SHANK2: variants seen among roughly 807,000 people sequenced by gnomAD.
SHANK2 encodes SH3 and multiple ankyrin repeat domains 2, also known as SH3 and multiple ankyrin repeat domains protein 2.
A neutral mutation model predicts 133.7 loss-of-function variants in SHANK2; 43 were observed. The ratio of observed to expected loss-of-function variants is 0.32; its 90% CI spans 0.25 to 0.41. SHANK2 has a LOEUF of 0.41. Among genes scored for constraint, SHANK2 ranks in the 10% least tolerant of loss-of-function variants. The pLI, the probability that SHANK2 is intolerant of heterozygous loss-of-function variation, is 1.00. For synonymous variants in SHANK2, 1,017 were observed against 952.8 expected, an observed-to-expected ratio of 1.07 and a Z score of -1.24; for missense variants, 1,994 against 2,235.8, an observed-to-expected ratio of 0.89 and a Z score of 2.18.
chr11:71,171,613 G>T lies in SHANK2; in HGVS notation c.-12-24275C>A, dbSNP rs555110650. Reference sequence around the variant, plus strand: ...CCCCTTCTCTTCATTGTTCTCTCTGGACCCCCAGCATATTGGATGGGCCCA... The same window carrying T: ...CCCCTTCTCTTCATTGTTCTCTCTGTACCCCCAGCATATTGGATGGGCCCA... On this transcript the variant is annotated intron_variant, in intron 2 of 25. Transcript: ENST00000601538. 2.0e-5 allele frequency among the ~76,000 whole-genome samples: 3 copies of T among 152,170 alleles called. No homozygotes were observed. The East Asian group carries it at 5.8e-4, about 29-fold the overall frequency.
chr11:71,185,263 T>G (rs535945394), intron 2 of SHANK2, among the ~76,000 whole-genome samples: 1 of 152,306 alleles, frequency 6.6e-6, no homozygotes, highest in East Asian at 1.9e-4. Context: ...GTACCTTGTA[T>G]CACAAAAGCC....
intron 14 of SHANK2, among the ~76,000 whole-genome samples, chr11:70,721,703 C>T (rs941624757): frequency 3.3e-5 from 5 of 152,166 alleles, no homozygotes; most frequent in South Asian, 2.1e-4. Flanking sequence ...GATGTGGGAC[C>T]GTCAGCAGCC....
chr11:70,827,752 CGAG>C (rs1294240624), intron 11 of SHANK2, among the ~76,000 whole-genome samples: 1 of 144,714 alleles, frequency 6.9e-6, no homozygotes, highest in Non-Finnish European at 1.5e-5. Context: ...CGAGACAAGA[CGAG>C]GAAAAAGCAA....
chr11:70,734,892 C>T (rs782367913), intron 14 of SHANK2, among the ~76,000 whole-genome samples: 7 of 152,214 alleles, frequency 4.6e-5, no homozygotes, highest in African/African-American at 1.7e-4. Flanking sequence ...GAAATTCTGC[C>T]AAGAACAGAG....
chr11:70,566,473 T>C (rs1377224637), intron 17 of SHANK2: 2 of 152,142 alleles, frequency 1.3e-5, no homozygotes, highest in Non-Finnish European at 2.9e-5. Context: ...CCTCATCAAA[T>C]CCAGGGCTGG....
At chr11:71,138,588 G>T (rs576278332) in intron 3 of SHANK2, among the ~76,000 whole-genome samples, 1 of 151,942 alleles carries the variant, frequency 6.6e-6, no homozygotes, top group Non-Finnish European at 1.5e-5. Context: ...AGGCTGAGGT[G>T]GGAGGATCAC....
chr11:70,593,569 G>T (rs1591623721), intron 17 of SHANK2, among the ~76,000 whole-genome samples: 1 of 152,300 alleles, frequency 6.6e-6, no homozygotes, highest in South Asian at 2.1e-4. Flanking sequence ...AAATACTAGA[G>T]TGGCAGGAAG....
intron 14 of SHANK2, among the ~76,000 whole-genome samples, chr11:70,703,197 CCT>C (rs2134522346): frequency 6.6e-6 from 1 of 152,256 alleles, no homozygotes; most frequent in African/African-American, 2.4e-5. Flanking sequence ...GTGTGCTTCA[CCT>C]GTCTGAGCTC....
intron 17 of SHANK2, among the ~76,000 whole-genome samples, chr11:70,542,225 T>A (rs1270103495): frequency 1.3e-5 from 2 of 152,170 alleles, no homozygotes; most frequent in Non-Finnish European, 2.9e-5. Context: ...GTAGATATAA[T>A]TAAGTTAAGG....
At chr11:70,748,508 G>A (rs953924074) in intron 14 of SHANK2, among the ~76,000 whole-genome samples, 1 of 152,160 alleles carries the variant, frequency 6.6e-6, no homozygotes, top group African/African-American at 2.4e-5. Context: ...GAATCAGGGA[G>A]GGCCAGTGCC....
chr11:70,751,930 C>G (rs1218487701), intron 14 of SHANK2, among the ~76,000 whole-genome samples: 1 of 151,082 alleles, frequency 6.6e-6, no homozygotes, highest in Non-Finnish European at 1.5e-5. Flanking sequence ...AAATAATAAT[C>G]CAAAAATTAT....
intron 10 of SHANK2, among the ~76,000 whole-genome samples, chr11:70,923,395 A>T (rs1239429568): frequency 6.6e-6 from 1 of 152,004 alleles, no homozygotes; most frequent in African/African-American, 2.4e-5. Context: ...GGCATGAGCT[A>T]CTATGGCCAG....
intron 10 of SHANK2, among the ~76,000 whole-genome samples, chr11:70,906,980 A>G (rs1950113901): frequency 6.6e-6 from 1 of 152,174 alleles, no homozygotes; most frequent in South Asian, 2.1e-4. Context: ...ATCGATGTGT[A>G]TTACCCAGAA....
At chr11:71,161,289 G>T (rs79711658) in intron 2 of SHANK2, among the ~76,000 whole-genome samples, 1,655 of 152,298 alleles carry the variant, frequency 0.011, 12 homozygotes, top group Non-Finnish European at 0.019. Context: ...GGTCCTGAAA[G>T]AAAACAACGT....
At chr11:71,149,553 A>G (rs9888173) in intron 2 of SHANK2, among the ~76,000 whole-genome samples, 55,385 of 142,456 alleles carry the variant, frequency 0.39, 12,794 homozygotes, top group African/African-American at 0.67. Flanking sequence ...TTCACAAACC[A>G]TTTTTCTCTT....
At position 71,213,783 on chromosome 11, in the gene SHANK2, A is replaced by G. The variant is rs564554295; in HGVS notation, c.-13+10914T>C. Among the ~76,000 whole-genome samples, 3 of 152,262 alleles carry G rather than the reference A, an allele frequency of 2.0e-5. No individual in the cohort carries two copies. The South Asian group carries it at 6.2e-4, about 32-fold the overall frequency. On this transcript the variant is annotated intron_variant, in intron 2 of 25. Transcript: ENST00000601538. ...CACACAGAGGAACGGCCTTTCTGAT[A>G]AGCAAACTGGACTAATCATGTCTTC...
At position 70,486,698 on chromosome 11, in the gene SHANK2, C is replaced by T. The variant is rs781993956; in HGVS notation, c.3595G>A (p.Gly1199Arg). Residue 1199 changes from glycine (G) to arginine (R), a missense_variant, in exon 25 of 26, where the codon GGG (glycine) becomes AGG (arginine). Physicochemically the swap from Gly to Arg is moderately radical, Grantham distance 125. Around this residue, in one of 5 missense-constraint regions of SHANK2, gnomAD observed 797 missense variants for 907.4 expected, o/e 0.88. Transcript: ENST00000601538. The surrounding 1 kb of genome is among the most constrained non-coding windows in gnomAD (Gnocchi z 8.0). ...CCTGTGAGTGGGTGGACATAATTCCCGGGGCCGGCTGTGCCGCTGCTCGCG... is the reference window on the plus strand; with the variant it reads ...CCTGTGAGTGGGTGGACATAATTCCTGGGGCCGGCTGTGCCGCTGCTCGCG... ...PSASSGTAGP[G>R]NYVHPLTGRL... The T allele has an allele frequency of 1.1e-5, 18 of 1,610,798 alleles. No individual in the cohort carries two copies. In the East Asian group the frequency reaches 2.5e-4, roughly 22 times the overall value.
At chr11:70,563,026 C>T (rs782782252) in intron 17 of SHANK2, among the ~76,000 whole-genome samples, 6 of 152,146 alleles carry the variant, frequency 3.9e-5, no homozygotes, top group Non-Finnish European at 7.3e-5. Context: ...CACCCACCAC[C>T]GCGCCTGGCT....
intron 11 of SHANK2, among the ~76,000 whole-genome samples, chr11:70,892,264 T>A (rs1264905290): frequency 1.3e-5 from 2 of 152,210 alleles, no homozygotes; most frequent in African/African-American, 4.8e-5. Context: ...GCTGGGGAGC[T>A]GGCTAGGAGC....
Sources: allele counts gnomAD v4.1 joint callset (sites outside exome capture counted in the v4.1 genomes callset), GRCh38; gene constraint gnomAD v4.1.1; regional missense constraint gnomAD v4.1.1; non-coding constraint Gnocchi (gnomAD v3.1); transcripts MANE v1.5; gene names NCBI Gene and HGNC (gene_info 2026-07-23, HGNC 2026-07-21).